The following ROBO1 variants were observed in gnomAD, a reference collection of about 807,000 sequenced individuals.
The protein encoded by ROBO1 is roundabout homolog 1.
Under a neutral mutation model 195.9 loss-of-function variants are expected in ROBO1, and 149 were observed. The ratio of observed to expected loss-of-function variants is 0.76; its 90% CI spans 0.67 to 0.87. The LOEUF is 0.87. ROBO1 is among the 40% of genes least tolerant of loss of function. ROBO1 has a pLI of 0.00. For missense variants in ROBO1, 1,933 were observed against 2,068.3 expected (o/e 0.93, Z 1.27); for synonymous variants, 816 against 733.2 (o/e 1.11, Z -1.82).
intron 3 of ROBO1, among the ~76,000 whole-genome samples, chr3:79,112,873 C>T (rs2079913888): frequency 1.3e-5 from 2 of 151,904 alleles, no homozygotes. Context: ...TGTAACTAAC[C>T]TGCACGTTGT....
intron 2 of ROBO1, among the ~76,000 whole-genome samples, chr3:79,322,501 A>G (rs1421402736): frequency 6.6e-6 from 1 of 152,214 alleles, no homozygotes; most frequent in Non-Finnish European, 1.5e-5. Context: ...TAGACTAGGA[A>G]AAGGGAATAG....
chr3:79,325,140 T>C (rs911683535), intron 2 of ROBO1, among the ~76,000 whole-genome samples: 1 of 152,238 alleles, frequency 6.6e-6, no homozygotes, highest in Non-Finnish European at 1.5e-5. Context: ...AGTTATAAAG[T>C]TAGTATTATT....
intron 2 of ROBO1, among the ~76,000 whole-genome samples, chr3:79,338,386 C>A (rs985916971): frequency 6.6e-6 from 1 of 152,158 alleles, no homozygotes; most frequent in Admixed American, 6.5e-5. Flanking sequence ...CCTATTTGCC[C>A]ACTGAATGTT....
intron 2 of ROBO1, among the ~76,000 whole-genome samples, chr3:79,152,532 G>A (rs2080791089): frequency 6.6e-6 from 1 of 151,796 alleles, no homozygotes; most frequent in Admixed American, 6.6e-5. Context: ...TTAGGTATCT[G>A]TCAAATGCTA....
chr3:79,706,134 C>A (rs1052740630), intron 1 of ROBO1, among the ~76,000 whole-genome samples: 7 of 151,994 alleles, frequency 4.6e-5, no homozygotes, highest in Admixed American at 2.0e-4. Flanking sequence ...AATCAGCACA[C>A]CTTTCATTTT....
intron 19 of ROBO1, 124 bp downstream of exon 19, chr3:78,651,608 G>T: frequency 1.4e-6 from 1 of 694,072 alleles, no homozygotes; most frequent in Non-Finnish European, 2.2e-6. Flanking sequence ...ACGCACTTTT[G>T]AAAATCTTTA....
At chr3:79,244,806 T>A (rs1425681666) in intron 2 of ROBO1, among the ~76,000 whole-genome samples, 2 of 152,160 alleles carry the variant, frequency 1.3e-5, no homozygotes, top group East Asian at 3.8e-4. Flanking sequence ...ATATACATTT[T>A]AGAAAGTGTT....
intron 23 of ROBO1, chr3:78,634,585 T>C (rs190516643): frequency 7.4e-6 from 2 of 271,872 alleles, no homozygotes; most frequent in East Asian, 1.2e-4. Context: ...GAAATATTTG[T>C]GCGGAGGCTC....
chr3:78,686,554 CAAAA>C (rs11356574), intron 9 of ROBO1, among the ~76,000 whole-genome samples: 1 of 132,206 alleles, frequency 7.6e-6, no homozygotes. Flanking sequence ...GACTTTGTCT[CAAAA>C]AAAAAAAAAA....
intron 1 of ROBO1, among the ~76,000 whole-genome samples, chr3:79,739,846 T>C (rs2107412505): frequency 6.6e-6 from 1 of 152,214 alleles, no homozygotes; most frequent in South Asian, 2.1e-4. Context: ...GTAGCGATAA[T>C]AAAATCAGAA....
chr3:78,911,586 T>C (rs138318507), intron 4 of ROBO1, among the ~76,000 whole-genome samples: 7 of 152,194 alleles, frequency 4.6e-5, no homozygotes, highest in African/African-American at 1.7e-4. Flanking sequence ...TGGAAACTGC[T>C]GATCCTGATC....
chr3:78,933,005 C>T (rs972186612), intron 4 of ROBO1, among the ~76,000 whole-genome samples: 2 of 152,022 alleles, frequency 1.3e-5, no homozygotes, highest in South Asian at 2.1e-4. Context: ...TAGAAAGTTG[C>T]TAAGGATTAA....
intron 9 of ROBO1, 37 bp from the exon 10 acceptor site, chr3:78,685,954 T>C: frequency 6.7e-7 from 1 of 1,492,164 alleles, no homozygotes; most frequent in Non-Finnish European, 9.0e-7. Context: ...AAAATAAAAA[T>C]AGGTTAATTG....
chr3:78,839,833 C>G (rs760533684), intron 4 of ROBO1, among the ~76,000 whole-genome samples: 1 of 152,196 alleles, frequency 6.6e-6, no homozygotes, highest in Non-Finnish European at 1.5e-5. Context: ...AAAATGCCAT[C>G]TCCTCTGCTG....
At chr3:79,539,951 A>G (rs2107637868) in intron 2 of ROBO1, among the ~76,000 whole-genome samples, 1 of 152,088 alleles carries the variant, frequency 6.6e-6, no homozygotes, top group Middle Eastern at 3.4e-3. Context: ...CCCAAGTTGG[A>G]CTTGAATCTA....
intron 2 of ROBO1, among the ~76,000 whole-genome samples, chr3:79,168,187 G>A (rs745364850): frequency 6.6e-5 from 10 of 152,212 alleles, no homozygotes; most frequent in South Asian, 2.1e-4. Context: ...GGCTAATTGC[G>A]TATTCGGAGA....
At chr3:79,216,280 T>C (rs1339938956) in intron 2 of ROBO1, among the ~76,000 whole-genome samples, 1 of 152,108 alleles carries the variant, frequency 6.6e-6, no homozygotes, top group East Asian at 1.9e-4. Flanking sequence ...AGGGGCAATT[T>C]AGATCACAGA....
chr3:78,777,493 T>C (rs1466421253), intron 4 of ROBO1, among the ~76,000 whole-genome samples: 1 of 152,196 alleles, frequency 6.6e-6, no homozygotes, highest in Non-Finnish European at 1.5e-5. Flanking sequence ...CTATTGAAAC[T>C]GATAGATATA....
intron 1 of ROBO1, among the ~76,000 whole-genome samples, chr3:79,646,541 T>TA (rs1347092701): frequency 3.9e-5 from 6 of 152,122 alleles, no homozygotes; most frequent in Non-Finnish European, 8.8e-5. Flanking sequence ...ATCCAGCAAT[T>TA]ACACTACTGG....
Sources: gnomAD v4.1 joint callset for allele counts (sites outside exome capture counted in the v4.1 genomes callset) on GRCh38, gnomAD v4.1.1 for gene constraint, MANE v1.5 for transcripts, NCBI Gene and HGNC (gene_info 2026-07-23, HGNC 2026-07-21) for gene names.